SGCZ: variants seen among roughly 807,000 people sequenced by gnomAD.
SGCZ encodes zeta-sarcoglycan.
A neutral mutation model predicts 41.3 loss-of-function variants in SGCZ; 40 were observed. The ratio of observed to expected loss-of-function variants is 0.97; its 90% confidence interval spans 0.75 to 1.26. The LOEUF (loss-of-function observed/expected upper bound fraction) is 1.26, where lower values mean the gene tolerates loss of function less well. Among genes scored for constraint, SGCZ ranks in the 50% most tolerant of loss-of-function variants. The pLI, the probability that SGCZ is intolerant of heterozygous loss-of-function variation, is 0.00. For missense variants in SGCZ, 552 were observed against 369.8 expected (o/e 1.49, Z -4.04); for synonymous variants, 206 against 137.5 (o/e 1.50, Z -3.49).
intron 1 of SGCZ, among the ~76,000 whole-genome samples, chr8:14,962,956 G>A (rs974359608): frequency 2.0e-5 from 3 of 152,174 alleles, no homozygotes; most frequent in Non-Finnish European, 4.4e-5. Flanking sequence ...CTAGTAAAAA[G>A]TAGGTCTCCT....
At chr8:15,186,686 T>C (rs1205829483) in intron 1 of SGCZ, among the ~76,000 whole-genome samples, 2 of 152,198 alleles carry the variant, frequency 1.3e-5, no homozygotes, top group Non-Finnish European at 2.9e-5. Flanking sequence ...AATCAATAAG[T>C]ATTTATTGAG....
At chr8:15,140,176 C>T (rs1329875672) in intron 1 of SGCZ, among the ~76,000 whole-genome samples, 1 of 151,994 alleles carries the variant, frequency 6.6e-6, no homozygotes, top group African/African-American at 2.4e-5. Flanking sequence ...AGGTGTGCAC[C>T]ACCATGGTTG....
intron 1 of SGCZ, among the ~76,000 whole-genome samples, chr8:14,683,621 G>C (rs1808515607): frequency 6.6e-6 from 1 of 152,054 alleles, no homozygotes; most frequent in African/African-American, 2.4e-5. Context: ...GATAATAAGA[G>C]GAACTTTGAT....
intron 1 of SGCZ, among the ~76,000 whole-genome samples, chr8:15,205,379 G>C (rs925563460): frequency 6.6e-6 from 1 of 152,098 alleles, no homozygotes; most frequent in Non-Finnish European, 1.5e-5. Context: ...CTAATATCCA[G>C]CATCTATAAG....
At chr8:14,325,127 C>G (rs1802048396) in intron 2 of SGCZ, among the ~76,000 whole-genome samples, 1 of 152,114 alleles carries the variant, frequency 6.6e-6, no homozygotes, top group Non-Finnish European at 1.5e-5. Context: ...AAGGTTCTTA[C>G]ATAGTTCAAT....
At chr8:14,850,066 G>A (rs563865909) in intron 1 of SGCZ, among the ~76,000 whole-genome samples, 2 of 151,990 alleles carry the variant, frequency 1.3e-5, no homozygotes, top group South Asian at 4.2e-4. Flanking sequence ...TCTATATATA[G>A]GCTGAAATAT....
chr8:14,290,740 G>T (rs1030602425), intron 3 of SGCZ, among the ~76,000 whole-genome samples: 10 of 10,422 alleles, frequency 9.6e-4, no homozygotes, highest in African/African-American at 2.0e-3. Context: ...TGGTGGGAAT[G>T]TAAATGTAAA....
At chr8:14,274,523 A>G (rs745604963) in intron 3 of SGCZ, among the ~76,000 whole-genome samples, 7 of 152,162 alleles carry the variant, frequency 4.6e-5, no homozygotes, top group Non-Finnish European at 1.0e-4. Flanking sequence ...GTGTGCTAAC[A>G]CTATATTTTT....
chr8:14,820,390 G>C (rs561080845), intron 1 of SGCZ, among the ~76,000 whole-genome samples: 2 of 151,964 alleles, frequency 1.3e-5, no homozygotes, highest in Non-Finnish European at 2.9e-5. Context: ...TAAAGGAATG[G>C]ACTGCAATGA....
At chr8:14,899,970 G>GA (rs1585361782) in intron 1 of SGCZ, among the ~76,000 whole-genome samples, 1 of 152,140 alleles carries the variant, frequency 6.6e-6, no homozygotes, top group South Asian at 2.1e-4. Context: ...TACCTGCTGT[G>GA]AAAAGGTTTA....
intron 3 of SGCZ, among the ~76,000 whole-genome samples, chr8:14,306,323 G>A (rs961646427): frequency 1.3e-5 from 2 of 152,156 alleles, no homozygotes; most frequent in Non-Finnish European, 1.5e-5. Context: ...TAGAAGCTAT[G>A]TAGCTGTCCA....
chr8:14,234,416 A>G (rs1806683220), intron 4 of SGCZ, among the ~76,000 whole-genome samples: 1 of 152,048 alleles, frequency 6.6e-6, no homozygotes, highest in Non-Finnish European at 1.5e-5. Flanking sequence ...ACTTACATAT[A>G]TTTTTGAGGA....
intron 2 of SGCZ, among the ~76,000 whole-genome samples, chr8:14,535,785 G>A (rs1198904997): frequency 6.6e-6 from 1 of 151,776 alleles, no homozygotes; most frequent in African/African-American, 2.4e-5. Context: ...ATGGATTAGG[G>A]TTGTAGGGAA....
At chr8:14,226,629 C>T (rs7815847) in intron 4 of SGCZ, among the ~76,000 whole-genome samples, 151,030 of 152,226 alleles carry the variant, frequency 0.99, 74,940 homozygotes, top group East Asian at 1. Flanking sequence ...AGTTGACTCC[C>T]GTTGTTGGCA....
At chr8:14,139,348 C>A (rs1397417469) in intron 5 of SGCZ, among the ~76,000 whole-genome samples, 1 of 152,072 alleles carries the variant, frequency 6.6e-6, no homozygotes, top group East Asian at 1.9e-4. Flanking sequence ...AAGATCAGAG[C>A]AGAGCTGAAG....
intron 1 of SGCZ, among the ~76,000 whole-genome samples, chr8:14,645,478 T>TTTTATATATATATA (rs1554472104): frequency 9.4e-6 from 1 of 106,594 alleles, no homozygotes; most frequent in South Asian, 3.0e-4. Context: ...ATATATATAT[T>TTTTATATATATATA]TATATGTATA....
At chr8:14,481,644 G>C (rs1056238306) in intron 2 of SGCZ, among the ~76,000 whole-genome samples, 1 of 152,088 alleles carries the variant, frequency 6.6e-6, no homozygotes, top group Non-Finnish European at 1.5e-5. Context: ...GGTAGTTAAA[G>C]TGGAAGGGAG....
chr8:14,795,022 G>T (rs1372418), intron 1 of SGCZ, among the ~76,000 whole-genome samples: 2 of 152,140 alleles, frequency 1.3e-5, no homozygotes, highest in Admixed American at 1.3e-4. Flanking sequence ...CCTTGATTCA[G>T]ATCAAATGGA....
chr8:14,617,948 A>G (rs377085479), intron 1 of SGCZ, among the ~76,000 whole-genome samples: 9 of 152,116 alleles, frequency 5.9e-5, no homozygotes, highest in East Asian at 5.8e-4. Flanking sequence ...AGAGGCAGAT[A>G]AAATAGATAT....
Sources: gnomAD v4.1 joint callset for allele counts (sites outside exome capture counted in the v4.1 genomes callset) on GRCh38, gnomAD v4.1.1 for gene constraint, MANE v1.5 for transcripts, NCBI Gene and HGNC (gene_info 2026-07-23, HGNC 2026-07-21) for gene names.